VPS13D: variants seen among roughly 807,000 people sequenced by gnomAD.
VPS13D encodes vacuolar protein sorting 13 homolog D.
VPS13D carries 187 observed loss-of-function variants against 461.9 expected under a neutral mutation model. That is an observed-to-expected ratio of 0.40 (90% CI 0.36 to 0.46). VPS13D has a LOEUF of 0.46. Among genes scored for constraint, VPS13D ranks in the 20% least tolerant of loss-of-function variants. The pLI is 0.60. For synonymous variants in VPS13D, 1,951 were observed against 1,986.3 expected (o/e 0.98, Z 0.47); for missense variants, 4,711 against 5,364.9 (o/e 0.88, Z 3.81).
At position 12,511,184 on chromosome 1, in the gene VPS13D, A is replaced by G. The variant is rs1646177238; in HGVS notation, c.*2160A>G. 6.6e-6 allele frequency: 1 copy of G among 152,166 alleles called. No homozygotes were observed. The highest frequency in any genetic ancestry group is 2.4e-5 in the African/African-American group (1 of 41,442). 9.4% of individuals were successfully genotyped at this position (152,166 alleles called of 1,614,324 possible). ...CTTGGGCTCCTTTCTAATTTTAATC[A>G]GCTCTTTAAATAGCTGCCCATCTCC... On this transcript the variant is annotated 3_prime_UTR_variant, in exon 70 of 70. Transcript: ENST00000620676. This position sits in a 1 kb window ranked among gnomAD's most constrained non-coding sequence, Gnocchi z 4.5.
chr1:12,372,800 C>CTTTTTTT (rs764284126), intron 54 of VPS13D, among the ~76,000 whole-genome samples: 1 of 126,774 alleles, frequency 7.9e-6, no homozygotes. Flanking sequence ...AATCCATTAC[C>CTTTTTTT]TTTTTTTTTT....
chr1:12,494,737 G>T (rs1298431248), intron 67 of VPS13D, among the ~76,000 whole-genome samples: 3 of 152,208 alleles, frequency 2.0e-5, no homozygotes, highest in African/African-American at 7.2e-5. Context: ...CCCTTTCTGT[G>T]TTTTGATCAG....
intron 67 of VPS13D, among the ~76,000 whole-genome samples, chr1:12,471,728 C>G (rs549621629): frequency 6.6e-6 from 1 of 152,268 alleles, no homozygotes; most frequent in Middle Eastern, 3.4e-3. Flanking sequence ...TGAAGCCCCC[C>G]ACCCAGGTCA....
chr1:12,349,470 C>T, intron 46 of VPS13D, 96 bp downstream of exon 46: 1 of 1,163,608 alleles, frequency 8.6e-7, no homozygotes, highest in Non-Finnish European at 1.2e-6. Flanking sequence ...CTTAGAGATT[C>T]AGTTATCTTT....
In VPS13D at chr1:12,378,556, A is replaced by G; in HGVS notation, c.11046A>G (p.Leu3682=). 1.2e-6 allele frequency: 2 copies of G among 1,606,790 alleles called. No homozygotes were observed. The highest frequency in any genetic ancestry group is 1.7e-6 in the Non-Finnish European group (2 of 1,176,722). ...AARSTEGSAI[L]DIAGLAAVTD... ...GCTCCACCGAGGGGTCTGCCATCTT[A>G]GATATTGCTGGTCTCGCTGCAGTGA... Residue 3682 remains leucine (L), a synonymous_variant, in exon 56 of 70, where the codon TTA becomes TTG. Transcript: ENST00000620676.
At chr1:12,356,120 T>G in intron 48 of VPS13D, 30 bp downstream of exon 48, 1 of 1,570,526 alleles carries the variant, frequency 6.4e-7, no homozygotes, top group South Asian at 1.2e-5. Context: ...AAGTAGGTCT[T>G]TGGCGTTAGT....
In VPS13D at chr1:12,276,442, T is replaced by G; in HGVS notation, c.2854T>G (p.Ser952Ala). 1 of 1,613,794 alleles carries G rather than the reference T, an allele frequency of 6.2e-7. No homozygotes were observed. The highest frequency in any genetic ancestry group is 1.1e-5 in the South Asian group (1 of 91,066). ...GCATACCCGCGAGGTTCTGGTGGAGTCGCAGCTCCTCCTGGCGGAATTTAA... is the reference window on the plus strand; with the variant it reads ...GCATACCCGCGAGGTTCTGGTGGAGGCGCAGCTCCTCCTGGCGGAATTTAA... ...EQHTREVLVE[S>A]QLLLAEFKVN... is the part of the protein sequence containing the mutation. The change falls in exon 19 of 70, where the codon TCG (serine) becomes GCG (alanine). Residue 952 changes from serine (S) to alanine (A), a missense_variant. This residue lies in a region of VPS13D where 4,411 missense variants were observed against 4,937.8 expected (regional missense o/e 0.89). Transcript: ENST00000620676. The surrounding 1 kb of genome is among the most constrained non-coding windows in gnomAD (Gnocchi z 4.5).
At chr1:12,493,055 A>G (rs1475119954) in intron 67 of VPS13D, among the ~76,000 whole-genome samples, 1 of 150,644 alleles carries the variant, frequency 6.6e-6, no homozygotes, top group Non-Finnish European at 1.5e-5. Flanking sequence ...CTTGTGGTCC[A>G]CGATTGAGTG....
intron 1 of VPS13D, among the ~76,000 whole-genome samples, chr1:12,232,607 A>C (rs764304678): frequency 8.4e-6 from 1 of 118,430 alleles, no homozygotes; most frequent in Non-Finnish European, 1.8e-5. Context: ...AGTTTCCCTC[A>C]TGTTGACTTT....
intron 46 of VPS13D, among the ~76,000 whole-genome samples, chr1:12,352,395 A>G (rs1459531877): frequency 6.6e-6 from 1 of 152,216 alleles, no homozygotes; most frequent in African/African-American, 2.4e-5. Context: ...CAGATCAACA[A>G]TAAAAAGATA....
At chr1:12,450,082 C>T (rs1404497441) in intron 65 of VPS13D, among the ~76,000 whole-genome samples, 1 of 152,114 alleles carries the variant, frequency 6.6e-6, no homozygotes, top group African/African-American at 2.4e-5. Context: ...GTGATCGCAC[C>T]ACTGCACTCC....
intron 65 of VPS13D, among the ~76,000 whole-genome samples, chr1:12,428,071 AT>A (rs1644944235): frequency 6.6e-6 from 1 of 152,212 alleles, no homozygotes; most frequent in South Asian, 2.1e-4. Context: ...TAGGGAGAAA[AT>A]TTAAGCTTAT....
At chr1:12,318,372 G>C in intron 31 of VPS13D, 35 bp downstream of exon 31, 1 of 1,582,764 alleles carries the variant, frequency 6.3e-7, no homozygotes, top group Non-Finnish European at 8.6e-7. Context: ...TTGGTGCTTA[G>C]TTTGGATGTT....
chr1:12,398,363 C>CTT (rs1259287834), intron 60 of VPS13D, among the ~76,000 whole-genome samples: 4 of 141,352 alleles, frequency 2.8e-5, no homozygotes, highest in African/African-American at 5.2e-5. Context: ...ACTTTTTTTT[C>CTT]TTTTTTTTTT....
At chr1:12,290,922 C>T (rs1642115152) in intron 22 of VPS13D, 76 bp from the exon 23 acceptor site, 1 of 1,409,076 alleles carries the variant, frequency 7.1e-7, no homozygotes, top group African/African-American at 1.5e-5. Context: ...TGTATACCAG[C>T]TTTTGTTCCA....
In VPS13D at chr1:12,507,890, C is replaced by T. The variant is rs780364186; in HGVS notation, c.13035+797C>T. Among the ~76,000 whole-genome samples the T allele has an allele frequency of 6.6e-6, 1 of 152,252 alleles. No individual in the cohort carries two copies. Among genetic ancestry groups the T allele is most frequent in the Non-Finnish European group, 1.5e-5 (1 of 68,054 alleles). On this transcript the variant is annotated intron_variant, in intron 69 of 69. Coordinates refer to ENST00000620676, the MANE Select transcript of VPS13D (RefSeq NM_015378.4). The surrounding 1 kb of genome is among the most constrained non-coding windows in gnomAD (Gnocchi z 5.3). ...GGTGTTAGTCCTGCTCATTCTCACC[C>T]GGCATACCCGGATTTTGAAGCTTGC...
chr1:12,468,204 C>T (rs185742524), intron 67 of VPS13D, among the ~76,000 whole-genome samples: 1 of 152,178 alleles, frequency 6.6e-6, no homozygotes, highest in East Asian at 1.9e-4. Context: ...GTTTGAACTT[C>T]AAGAAAAAAT....
At chr1:12,483,305 A>C (rs1200299304) in intron 67 of VPS13D, among the ~76,000 whole-genome samples, 1 of 152,256 alleles carries the variant, frequency 6.6e-6, no homozygotes, top group Non-Finnish European at 1.5e-5. Flanking sequence ...AGTCTTTGCC[A>C]ATCTGAAAGA....
chr1:12,252,822 A>G (rs1640780554), intron 6 of VPS13D, among the ~76,000 whole-genome samples: 2 of 151,098 alleles, frequency 1.3e-5, no homozygotes, highest in African/African-American at 4.9e-5. Context: ...CCCCTAAAAA[A>G]CAAACAATAA....
Sources: gnomAD v4.1 joint callset for allele counts (sites outside exome capture counted in the v4.1 genomes callset) on GRCh38, gnomAD v4.1.1 for gene constraint, gnomAD v4.1.1 regional missense constraint, Gnocchi (gnomAD v3.1) non-coding constraint, MANE v1.5 for transcripts, NCBI Gene and HGNC (gene_info 2026-07-23, HGNC 2026-07-21) for gene names.